Variants in CSMD1 observed in about 807,000 individuals in gnomAD.
The protein encoded by CSMD1 is CUB and sushi domain-containing protein 1.
Under a neutral mutation model 417.5 loss-of-function variants are expected in CSMD1, and 213 were observed. The observed-to-expected ratio is 0.51, with a 90% confidence interval of 0.46 to 0.57. The LOEUF (loss-of-function observed/expected upper bound fraction) is 0.57. Ranked by LOEUF, CSMD1 falls within the 20% of genes least tolerant of loss-of-function variation. The pLI is 0.00. For missense variants in CSMD1, 6,923 were observed against 4,529.7 expected (o/e 1.53, Z -15.17); for synonymous variants, 2,862 against 1,736.8 (o/e 1.65, Z -16.11).
intron 2 of CSMD1, among the ~76,000 whole-genome samples, chr8:4,431,658 G>A (rs1426472574): frequency 6.6e-6 from 1 of 152,094 alleles, no homozygotes; most frequent in African/African-American, 2.4e-5. Context: ...TAACTGGAAA[G>A]GAAGAAAAGA....
Position 4,703,298 on chromosome 8 carries a change from G to T in CSMD1, c.86-65740C>A, listed in dbSNP as rs115761580. 3.8e-3 allele frequency among the ~76,000 whole-genome samples: 582 copies of T among 152,190 alleles called. 1 individual carries two copies. Among genetic ancestry groups the T allele is most frequent in the African/African-American group, 0.014 (561 of 41,494 alleles). The stretch of plus-strand genomic sequence containing the variant: ...AATTAGTAGGGAGTGTAGATAATCA[G>T]AATCTTCTCAGAAAGTTTTTCAAAT... On this transcript the variant is annotated intron_variant, in intron 1 of 69. Transcript: ENST00000635120.
rs71209120 is a variant in CSMD1 at position 4,742,000 on chromosome 8, C to CTTTTTT, written c.86-104448_86-104443dup. Among the ~76,000 whole-genome samples, 11 of 73,818 alleles carry CTTTTTT rather than the reference C, an allele frequency of 1.5e-4. 5 individuals are homozygous for CTTTTTT. The highest frequency in any genetic ancestry group is 3.0e-4 in the Admixed American group (2 of 6,564). The allele number at this position is 73,818 out of a possible 152,430, so 48.4% of individuals were successfully genotyped here. A position where few individuals can be genotyped will look rare whatever the true frequency, so the allele number is the denominator to read the frequency against. ...AGGTCCGCACGCACCACCACACCCA[C>CTTTTTT]TTTTTTTTTTTTTTTTTTTTTTTTT... On this transcript the variant is annotated intron_variant, in intron 1 of 69. Coordinates refer to ENST00000635120, the MANE Select transcript of CSMD1 (RefSeq NM_033225.6).
chr8:4,441,403 T>C (rs1798475234), intron 2 of CSMD1, among the ~76,000 whole-genome samples: 1 of 151,128 alleles, frequency 6.6e-6, no homozygotes, highest in African/African-American at 2.4e-5. Context: ...ATGAGCCAAC[T>C]CACCCAGCCC....
intron 2 of CSMD1, among the ~76,000 whole-genome samples, chr8:4,558,987 C>A (rs192801874): frequency 6.6e-6 from 1 of 152,098 alleles, no homozygotes; most frequent in African/African-American, 2.4e-5. Flanking sequence ...TGGCTTAAGG[C>A]AGTATTGTTT....
At chr8:4,861,873 G>T (rs1231441118) in intron 1 of CSMD1, among the ~76,000 whole-genome samples, 1 of 152,062 alleles carries the variant, frequency 6.6e-6, no homozygotes, top group Non-Finnish European at 1.5e-5. Flanking sequence ...AAGAAGCAGA[G>T]GAAGAGAGAC....
chr8:3,673,696 T>G (rs1171505762), intron 7 of CSMD1, among the ~76,000 whole-genome samples: 1 of 152,212 alleles, frequency 6.6e-6, no homozygotes, highest in African/African-American at 2.4e-5. Context: ...CCCAATCAGC[T>G]GGCTTGCTGC....
intron 2 of CSMD1, among the ~76,000 whole-genome samples, chr8:4,434,426 G>C (rs766728245): frequency 6.6e-6 from 1 of 152,132 alleles, no homozygotes; most frequent in Non-Finnish European, 1.5e-5. Flanking sequence ...GCCACTTTTT[G>C]AACTCAGCCC....
intron 9 of CSMD1, among the ~76,000 whole-genome samples, chr8:3,583,242 G>C (rs1800457178): frequency 6.6e-6 from 1 of 151,886 alleles, no homozygotes; most frequent in African/African-American, 2.4e-5. Context: ...TTCTCTGCTT[G>C]AATTTTTACT....
intron 6 of CSMD1, among the ~76,000 whole-genome samples, chr8:3,730,839 A>G (rs1356314529): frequency 1.3e-5 from 2 of 152,180 alleles, no homozygotes; most frequent in East Asian, 3.9e-4. Context: ...TATGCCAGAT[A>G]TTAGGAAATT....
chr8:3,326,422 A>G (rs1441604049), intron 23 of CSMD1, among the ~76,000 whole-genome samples: 1 of 152,202 alleles, frequency 6.6e-6, no homozygotes, highest in Non-Finnish European at 1.5e-5. Flanking sequence ...CCTCACCTTG[A>G]AACAGACGAA....
intron 1 of CSMD1, among the ~76,000 whole-genome samples, chr8:4,978,700 G>A (rs921724320): frequency 3.3e-5 from 5 of 152,168 alleles, no homozygotes; most frequent in Admixed American, 1.3e-4. Flanking sequence ...CACTTTGGGA[G>A]GCCAAGGGGA....
At chr8:3,451,032 T>C (rs1429182104) in intron 12 of CSMD1, among the ~76,000 whole-genome samples, 1 of 152,208 alleles carries the variant, frequency 6.6e-6, no homozygotes, top group Non-Finnish European at 1.5e-5. Flanking sequence ...TGGTGTCTCA[T>C]TGTGGTTTTG....
intron 1 of CSMD1, among the ~76,000 whole-genome samples, chr8:4,851,206 T>A (rs1801458990): frequency 6.6e-6 from 1 of 151,474 alleles, no homozygotes; most frequent in Admixed American, 6.6e-5. Context: ...GTTTGGATTT[T>A]TGTCCTTGGC....
chr8:4,509,685 GCTGATAATAGACA>G lies in CSMD1; in HGVS notation c.303-89633_303-89621del, dbSNP rs536549853. Among the ~76,000 whole-genome samples the G allele has an allele frequency of 3.5e-3, 533 of 152,248 alleles. 1 individual carries two copies. The highest frequency in any genetic ancestry group is 4.4e-3 in the Non-Finnish European group (298 of 68,012). Reference sequence around the variant, plus strand: ...AGTCCATAATAATAATCACAGTCATGCTGATAATAGACACTTTTGACACTTATTAAGCCTCATT... The same window carrying G: ...AGTCCATAATAATAATCACAGTCATGCTTTTGACACTTATTAAGCCTCATT... On this transcript the variant is annotated intron_variant, in intron 2 of 69. Transcript: ENST00000635120.
intron 3 of CSMD1, among the ~76,000 whole-genome samples, chr8:4,074,703 G>C (rs1799731172): frequency 6.6e-6 from 1 of 151,814 alleles, no homozygotes; most frequent in Non-Finnish European, 1.5e-5. Context: ...AGATGACATT[G>C]AGATTCCAGA....
At chr8:3,088,288 G>A (rs1026467419) in intron 48 of CSMD1, among the ~76,000 whole-genome samples, 3 of 152,116 alleles carry the variant, frequency 2.0e-5, no homozygotes, top group African/African-American at 7.2e-5. Context: ...CATAAGGCGA[G>A]GTCACTACTA....
chr8:4,431,894 T>C (rs1009549190), intron 2 of CSMD1, among the ~76,000 whole-genome samples: 5 of 152,206 alleles, frequency 3.3e-5, no homozygotes, highest in East Asian at 1.9e-4. Context: ...TATTAAAATA[T>C]GTGAATGATA....
In CSMD1 at chr8:3,396,275, T is replaced by A. The variant is rs557683361; in HGVS notation, c.2512A>T (p.Ile838Phe). 3.1e-6 allele frequency: 5 copies of A among 1,596,572 alleles called. No individual in the cohort carries two copies. Among genetic ancestry groups the A allele is most frequent in the Non-Finnish European group, 3.4e-6 (4 of 1,171,290 alleles). ...YHGTQAPQFL[I>F]STGNFMYLLF... The stretch of plus-strand genomic sequence containing the variant: ...AGGTACATGAAGTTCCCGGTGCTGA[T>A]GAGGAACTGGGGTGCCTGGGTGCCG... Residue 838 changes from isoleucine (I) to phenylalanine (F), a missense_variant, in exon 17 of 70, where the codon ATC becomes TTC. Coordinates refer to ENST00000635120, the MANE Select transcript of CSMD1 (RefSeq NM_033225.6).
At chr8:4,212,192 A>ATATATATATATATATG (rs922807446) in intron 3 of CSMD1, among the ~76,000 whole-genome samples, 1 of 149,606 alleles carries the variant, frequency 6.7e-6, no homozygotes, top group African/African-American at 2.4e-5. Flanking sequence ...ATATATATAT[A>ATATATATATATATATG]TATTATTTTC....
Sources: gnomAD v4.1 joint callset for allele counts (sites outside exome capture counted in the v4.1 genomes callset) on GRCh38, gnomAD v4.1.1 for gene constraint, MANE v1.5 for transcripts, NCBI Gene and HGNC (gene_info 2026-07-23, HGNC 2026-07-21) for gene names.